FGD4: variants seen among roughly 807,000 people sequenced by gnomAD.
FGD4 encodes the protein FYVE, RhoGEF and PH domain containing 4.
Under a neutral mutation model 102.0 loss-of-function variants are expected in FGD4, and 42 were observed. The observed-to-expected ratio is 0.41, with a 90% confidence interval of 0.32 to 0.53. FGD4 has a LOEUF of 0.53. Among genes scored for constraint, FGD4 ranks in the 20% least tolerant of loss-of-function variants. FGD4 has a pLI of 0.21. For synonymous variants in FGD4, 380 were observed against 375.7 expected, an observed-to-expected ratio of 1.01 and a Z score of -0.13; for missense variants, 902 against 1,078.2, an observed-to-expected ratio of 0.84 and a Z score of 2.29.
chr12:32,412,899 A>AT (rs869107334), intron 1 of FGD4, among the ~76,000 whole-genome samples: 6,959 of 86,832 alleles, frequency 0.08, 423 homozygotes, highest in Admixed American at 0.14. Flanking sequence ...TTTTCTAGAA[A>AT]TTTTTTTTTT....
intron 1 of FGD4, among the ~76,000 whole-genome samples, chr12:32,531,005 G>A (rs1274484313): frequency 1.5e-5 from 2 of 130,174 alleles, no homozygotes; most frequent in East Asian, 4.8e-4. Flanking sequence ...AGGCTGGAGT[G>A]CAGTGGTGCG....
chr12:32,577,871 T>G (rs576481164), intron 3 of FGD4, among the ~76,000 whole-genome samples: 1 of 152,310 alleles, frequency 6.6e-6, no homozygotes, highest in Admixed American at 6.5e-5. Flanking sequence ...CCCTGATCCC[T>G]GTCATAAGGC....
chr12:32,630,343 C>T (rs975247799), intron 14 of FGD4, among the ~76,000 whole-genome samples: 2 of 152,086 alleles, frequency 1.3e-5, no homozygotes, highest in African/African-American at 2.4e-5. Flanking sequence ...TTATGTATTT[C>T]GTTATGACTG....
At chr12:32,485,880 G>A (rs1035639493) in intron 1 of FGD4, 9 of 1,241,124 alleles carry the variant, frequency 7.3e-6, no homozygotes, top group African/African-American at 3.1e-5. Context: ...AAACACCTTC[G>A]TGGAATTTTG....
At chr12:32,554,477 A>C (rs1943938862) in intron 1 of FGD4, among the ~76,000 whole-genome samples, 1 of 152,252 alleles carries the variant, frequency 6.6e-6, no homozygotes, top group South Asian at 2.1e-4. Flanking sequence ...TTTGTTTGAC[A>C]AATACATATT....
In FGD4 at chr12:32,625,704, G is replaced by C. The variant is rs1308917221; in HGVS notation, c.2097G>C (p.Val699=). 3.1e-6 allele frequency: 5 copies of C among 1,613,982 alleles called. No individual in the cohort carries two copies. Among genetic ancestry groups the C allele is most frequent in the Non-Finnish European group, 2.5e-6 (3 of 1,179,986 alleles). The change falls in exon 14 of 17, where the codon GTG becomes GTC. Residue 699 remains valine, a synonymous_variant. Coordinates refer to ENST00000534526, the MANE Select transcript of FGD4 (RefSeq NM_001370298.3). ...CAAGATGGATCCGAGATAATGAAGT[G>C]ACAATGTGTATGAAATGTAAAGAAC... ...RAPRWIRDNE[V]TMCMKCKEPF... is the part of the protein sequence containing the mutation.
intron 4 of FGD4, among the ~76,000 whole-genome samples, chr12:32,583,605 AAAG>A (rs1327107052): frequency 9.9e-5 from 15 of 152,228 alleles, no homozygotes. Context: ...TGTCCTTTCT[AAAG>A]AAGAAAGTGA....
intron 1 of FGD4, among the ~76,000 whole-genome samples, chr12:32,416,874 C>G (rs186558982): frequency 4.3e-4 from 66 of 151,872 alleles, no homozygotes; most frequent in African/African-American, 1.6e-3. Flanking sequence ...TCTTATTGCT[C>G]ATTAACGTCC....
chr12:32,403,565 C>T (rs1263997919), intron 1 of FGD4, among the ~76,000 whole-genome samples: 1 of 150,510 alleles, frequency 6.6e-6, no homozygotes, highest in Non-Finnish European at 1.5e-5. Context: ...TGAATAGCTA[C>T]TGCACTCCAG....
intron 4 of FGD4, among the ~76,000 whole-genome samples, chr12:32,595,044 AAAC>A (rs1947776782): frequency 2.0e-5 from 3 of 151,846 alleles, no homozygotes; most frequent in South Asian, 2.1e-4. Context: ...AAAAAAAAAA[AAAC>A]AACACAGCAA....
chr12:32,485,866 T>C, intron 1 of FGD4: 1 of 1,237,890 alleles, frequency 8.1e-7, no homozygotes. Flanking sequence ...CTCAGTACAT[T>C]TTGAAACACC....
intron 2 of FGD4, among the ~76,000 whole-genome samples, chr12:32,573,365 G>T (rs1945844039): frequency 6.6e-6 from 1 of 152,238 alleles, no homozygotes. Context: ...AAAGTGCTGG[G>T]ATTACAGGCG....
chr12:32,625,877 C>T (rs1950133965), intron 14 of FGD4, 98 bp downstream of exon 14: 3 of 1,525,106 alleles, frequency 2.0e-6, no homozygotes, highest in African/African-American at 2.7e-5. Flanking sequence ...TTCAACAAAT[C>T]ACTTAATAAA....
At chr12:32,572,915 G>C (rs953624266) in intron 2 of FGD4, among the ~76,000 whole-genome samples, 1 of 152,136 alleles carries the variant, frequency 6.6e-6, no homozygotes, top group Non-Finnish European at 1.5e-5. Flanking sequence ...ACATACAAGA[G>C]ATATAAAGGC....
At chr12:32,475,211 C>T (rs541126263) in intron 1 of FGD4, among the ~76,000 whole-genome samples, 1 of 152,172 alleles carries the variant, frequency 6.6e-6, no homozygotes, top group African/African-American at 2.4e-5. Context: ...TGTTTTTTGG[C>T]GTCTTCCTGT....
intron 1 of FGD4, among the ~76,000 whole-genome samples, chr12:32,552,861 T>A (rs1221738405): frequency 6.7e-6 from 1 of 150,368 alleles, no homozygotes; most frequent in African/African-American, 2.5e-5. Context: ...CACCGCAACC[T>A]CCACCTCCTG....
At chr12:32,499,196 G>A (rs140442875) in intron 1 of FGD4, among the ~76,000 whole-genome samples, 171 of 152,320 alleles carry the variant, frequency 1.1e-3, no homozygotes, top group African/African-American at 3.9e-3. Context: ...TGCCGCCTGC[G>A]CAGTATTTGA....
intron 1 of FGD4, among the ~76,000 whole-genome samples, chr12:32,434,880 G>A (rs1942170847): frequency 6.6e-6 from 1 of 152,170 alleles, no homozygotes; most frequent in Admixed American, 6.6e-5. Flanking sequence ...ATCAAATATA[G>A]TGGTGAATGA....
At chr12:32,526,132 T>C (rs966234489) in intron 1 of FGD4, among the ~76,000 whole-genome samples, 2 of 152,238 alleles carry the variant, frequency 1.3e-5, no homozygotes, top group Non-Finnish European at 2.9e-5. Flanking sequence ...CCAGCTGGGC[T>C]CCTGAGTCTG....
Sources: gnomAD v4.1 joint callset for allele counts (sites outside exome capture counted in the v4.1 genomes callset) on GRCh38, gnomAD v4.1.1 for gene constraint, MANE v1.5 for transcripts, NCBI Gene and HGNC (gene_info 2026-07-23, HGNC 2026-07-21) for gene names.